The following DGAT2L6 variants were observed in gnomAD, a reference collection of about 807,000 sequenced individuals.
DGAT2L6 encodes diacylglycerol O-acyltransferase 2 like 6.
In DGAT2L6, 22 loss-of-function variants were observed where a neutral mutation model predicts 25.5. The observed-to-expected ratio is 0.86, with a 90% CI of 0.62 to 1.23. DGAT2L6 has a LOEUF of 1.23. Among genes scored for constraint, DGAT2L6 ranks in the 50% most tolerant of loss-of-function variants. The probability of loss-of-function intolerance (pLI) is 0.00; values close to 1 mark genes in which losing one functional copy is unlikely to be tolerated. For synonymous variants in DGAT2L6, 100 were observed against 94.7 expected (o/e 1.06, Z -0.32); for missense variants, 287 against 253.2 (o/e 1.13, Z -0.91).
intron 5 of DGAT2L6, 61 bp downstream of exon 5, chrX:70,202,125 C>A: frequency 2.0e-6 from 2 of 1,012,537 alleles, no homozygotes; most frequent in Middle Eastern, 5.8e-4. Context: ...GTAGCCCTCT[C>A]CAGAATGGTG....
At chrX:70,179,287 A>G (rs1396460984) in intron 1 of DGAT2L6, among the ~76,000 whole-genome samples, 1 of 111,866 alleles carries the variant, frequency 8.9e-6, no homozygotes, top group Non-Finnish European at 1.9e-5. Context: ...AGACTTTCAT[A>G]GTTTCCTTTT....
At chrX:70,193,313 A>G (rs2085380914) in intron 1 of DGAT2L6, among the ~76,000 whole-genome samples, 2 of 100,833 alleles carry the variant, frequency 2.0e-5, no homozygotes, top group Admixed American at 1.1e-4. Flanking sequence ...GTGTCAAAAG[A>G]AAAAAAAAAA....
At chrX:70,199,412 T>C in intron 2 of DGAT2L6, 31 bp downstream of exon 2, 1 of 1,076,376 alleles carries the variant, frequency 9.3e-7, no homozygotes, top group Non-Finnish European at 1.3e-6. Flanking sequence ...GGTGGTCCTG[T>C]TTGGGCCAAG....
chrX:70,200,512 C>T, intron 4 of DGAT2L6, 53 bp downstream of exon 4: 2 of 1,075,448 alleles, frequency 1.9e-6, no homozygotes, highest in Non-Finnish European at 2.5e-6. Context: ...AAAGGTGCAA[C>T]CCCAATAAGT....
chrX:70,200,512 C>A (rs2085406501), intron 4 of DGAT2L6, 53 bp downstream of exon 4: 2 of 1,075,446 alleles, frequency 1.9e-6, no homozygotes, highest in Middle Eastern at 5.2e-4. Context: ...AAAGGTGCAA[C>A]CCCAATAAGT....
At chrX:70,195,992 G>C (rs2085389778) in intron 1 of DGAT2L6, among the ~76,000 whole-genome samples, 1 of 111,401 alleles carries the variant, frequency 9.0e-6, no homozygotes, top group Non-Finnish European at 1.9e-5. Flanking sequence ...ATGTATGGTG[G>C]TGAATGTATT....
chrX:70,181,334 G>T (rs964239618), intron 1 of DGAT2L6, among the ~76,000 whole-genome samples: 1 of 112,038 alleles, frequency 8.9e-6, no homozygotes, highest in African/African-American at 3.2e-5. Flanking sequence ...GTGCCTGTTG[G>T]CCATTTGATT....
intron 1 of DGAT2L6, among the ~76,000 whole-genome samples, chrX:70,188,133 T>G (rs1161657414): frequency 8.9e-6 from 1 of 112,017 alleles, no homozygotes; most frequent in Non-Finnish European, 1.9e-5. Context: ...CAGAGATGAT[T>G]TGAAGAAAGG....
At chrX:70,203,031 G>A (rs756041709) in intron 5 of DGAT2L6, among the ~76,000 whole-genome samples, 8 of 111,767 alleles carry the variant, frequency 7.2e-5, no homozygotes, top group Non-Finnish European at 1.1e-4. Context: ...TTGCTTTAGC[G>A]GTTCCCTTGG....
intron 4 of DGAT2L6, 68 bp from the exon 5 acceptor site, chrX:70,201,822 C>A: frequency 9.6e-7 from 1 of 1,042,478 alleles, no homozygotes. Context: ...AAGGAAGAGC[C>A]TGGGAAAACC....
chrX:70,177,662 T>C lies in DGAT2L6; in HGVS notation c.80T>C (p.Phe27Ser), dbSNP rs758850737. 3.7e-5 allele frequency: 45 copies of C among 1,205,121 alleles called. No individual in the cohort carries two copies. Among genetic ancestry groups the C allele is most frequent in the Non-Finnish European group, 4.9e-5 (44 of 891,719 alleles). Residue 27 changes from phenylalanine (F) to serine (S), a missense_variant, in exon 1 of 7, where the codon TTT (phenylalanine) becomes TCT (serine). Coordinates refer to ENST00000333026, the MANE Select transcript of DGAT2L6 (RefSeq NM_198512.3). The stretch of plus-strand genomic sequence containing the variant: ...TTGCAATGGATCCCAGTCTATATAT[T>C]TTTAGGTGAGTGAACCCCAAGGGCT... ...FVLQWIPVYI[F>S]LGAIPILLIP...
chrX:70,205,264 G>C lies in DGAT2L6; in HGVS notation c.*158G>C. The C allele has an allele frequency of 7.6e-6, 5 of 661,774 alleles. No homozygotes were observed. Among genetic ancestry groups the C allele is most frequent in the Non-Finnish European group, 8.2e-6 (4 of 487,085 alleles). 54.5% of individuals were successfully genotyped at this position (661,774 alleles called of 1,213,427 possible). ...TTAATAAATCAGAGTTCTAGCAATA[G>C]AGTCCTCTCCCAAGTGGCTGAGGCA... On this transcript the variant is annotated 3_prime_UTR_variant, in exon 7 of 7. Transcript: ENST00000333026.
chrX:70,178,840 TG>T (rs2085334714), intron 1 of DGAT2L6, among the ~76,000 whole-genome samples: 3 of 112,534 alleles, frequency 2.7e-5, no homozygotes, highest in African/African-American at 9.7e-5. Flanking sequence ...TAGGAGTACC[TG>T]TGAGTGTCAG....
intron 1 of DGAT2L6, among the ~76,000 whole-genome samples, chrX:70,197,634 A>G (rs1220000143): frequency 8.9e-6 from 1 of 112,847 alleles, no homozygotes; most frequent in African/African-American, 3.2e-5. Context: ...TGGTCTACAG[A>G]TATTTGTTGA....
chrX:70,196,556 T>C (rs1174057380), intron 1 of DGAT2L6, among the ~76,000 whole-genome samples: 3 of 85,333 alleles, frequency 3.5e-5, no homozygotes, highest in African/African-American at 1.2e-4. Context: ...AAAGAAAATA[T>C]AGGGGAAAAA....
At chrX:70,178,007 G>A (rs894072333) in intron 1 of DGAT2L6, among the ~76,000 whole-genome samples, 1 of 109,803 alleles carries the variant, frequency 9.1e-6, no homozygotes, top group Non-Finnish European at 1.9e-5. Context: ...ATGGTGGCAT[G>A]CACTGGTAAT....
At chrX:70,186,149 T>C (rs1456978886) in intron 1 of DGAT2L6, among the ~76,000 whole-genome samples, 3 of 112,264 alleles carry the variant, frequency 2.7e-5, no homozygotes, top group Non-Finnish European at 5.6e-5. Context: ...AATTGTGAAA[T>C]TGAACTTCTT....
chrX:70,183,094 A>G (rs1602687610), intron 1 of DGAT2L6, among the ~76,000 whole-genome samples: 2 of 112,575 alleles, frequency 1.8e-5, no homozygotes, highest in African/African-American at 6.5e-5. Flanking sequence ...CCTCAAAAGC[A>G]TATTTGATTA....
At chrX:70,178,372 T>A (rs952756707) in intron 1 of DGAT2L6, among the ~76,000 whole-genome samples, 1 of 111,133 alleles carries the variant, frequency 9.0e-6, no homozygotes, top group Admixed American at 9.6e-5. Flanking sequence ...CCAGTTGTTC[T>A]GTGGACTCAC....
Sources: gnomAD v4.1 joint callset for allele counts (sites outside exome capture counted in the v4.1 genomes callset) on GRCh38, gnomAD v4.1.1 for gene constraint, MANE v1.5 for transcripts, NCBI Gene and HGNC (gene_info 2026-07-23, HGNC 2026-07-21) for gene names.